TRPC3: variants seen among roughly 807,000 people sequenced by gnomAD.
TRPC3 encodes short transient receptor potential channel 3.
A neutral mutation model predicts 90.9 loss-of-function variants in TRPC3; 54 were observed. That is an observed-to-expected ratio of 0.59 (90% CI 0.48 to 0.75). TRPC3 has a LOEUF of 0.75. TRPC3 is among the 30% of genes least tolerant of loss of function. The pLI is 0.00. For missense variants in TRPC3, 918 were observed against 1,194.5 expected (o/e 0.77, Z 3.41); for synonymous variants, 424 against 450.9 (o/e 0.94, Z 0.75).
Position 121,932,291 on chromosome 4 carries a change from T to C in TRPC3, c.967A>G (p.Asn323Asp). The C allele has an allele frequency of 6.2e-7, 1 of 1,614,032 alleles. No individual in the cohort carries two copies. Among genetic ancestry groups the C allele is most frequent in the Non-Finnish European group, 8.5e-7 (1 of 1,179,970 alleles). Residue 323 changes from asparagine to aspartate, a missense_variant, in exon 2 of 12, where the codon AAC becomes GAC. Physicochemically the swap from Asn to Asp is conservative, Grantham distance 23. Coordinates refer to ENST00000379645, the MANE Select transcript of TRPC3 (RefSeq NM_001130698.2). The surrounding 1 kb of genome is among the most constrained non-coding windows in gnomAD (Gnocchi z 7.7). Reference protein sequence around the residue: ...ELSNELAKLANIEKEFKNDYR... With the variant: ...ELSNELAKLADIEKEFKNDYR... Reference sequence around the variant, plus strand: ...CTTACCTTGAACTCCTTCTCTATGTTGGCCAGCTTGGCCAGCTCGTTGCTG... The same window carrying C: ...CTTACCTTGAACTCCTTCTCTATGTCGGCCAGCTTGGCCAGCTCGTTGCTG...
chr4:121,905,952 C>CA (rs1360790756), intron 7 of TRPC3, among the ~76,000 whole-genome samples: 1 of 152,056 alleles, frequency 6.6e-6, no homozygotes, highest in Non-Finnish European at 1.5e-5. Context: ...AACCGTATCA[C>CA]AAAATTCTCC....
At chr4:121,895,857 C>A (rs1459152672) in intron 10 of TRPC3, among the ~76,000 whole-genome samples, 1 of 151,928 alleles carries the variant, frequency 6.6e-6, no homozygotes, top group East Asian at 1.9e-4. Context: ...ACCAGTATAA[C>A]CCCAATACCA....
At position 121,876,210 on chromosome 4, in the gene TRPC3, GGC is replaced by G. The variant is rs759951581; in HGVS notation, c.*3524_*3525del. 7.2e-5 allele frequency among the ~76,000 whole-genome samples: 11 copies of G among 152,120 alleles called. 1 individual carries two copies. The East Asian group carries it at 1.5e-3, about 21-fold the overall frequency. On this transcript the variant is annotated 3_prime_UTR_variant, in exon 12 of 12. Coordinates refer to ENST00000379645, the MANE Select transcript of TRPC3 (RefSeq NM_001130698.2). Reference sequence around the variant, plus strand: ...CACTGTGCCCAGCCTGATTTTGGGAGGCTGAGGCAGGAGGATCGCTTGAGGCC... The same window carrying G: ...CACTGTGCCCAGCCTGATTTTGGGAGTGAGGCAGGAGGATCGCTTGAGGCC...
At chr4:121,891,420 T>C (rs1466886392) in intron 10 of TRPC3, among the ~76,000 whole-genome samples, 1 of 152,334 alleles carries the variant, frequency 6.6e-6, no homozygotes, top group South Asian at 2.1e-4. Context: ...ATACTGACTA[T>C]GTTTAACTGT....
At chr4:121,920,806 G>A (rs1355992771) in intron 3 of TRPC3, among the ~76,000 whole-genome samples, 1 of 152,168 alleles carries the variant, frequency 6.6e-6, no homozygotes, top group African/African-American at 2.4e-5. Context: ...GGCCCTGGAT[G>A]TTTTCCTTAC....
chr4:121,880,361 A>C (rs1367868634), intron 11 of TRPC3, among the ~76,000 whole-genome samples: 1 of 152,224 alleles, frequency 6.6e-6, no homozygotes, highest in Non-Finnish European at 1.5e-5. Context: ...AAGTAAGGGA[A>C]AGAAAGAAAA....
chr4:121,918,981 G>T (rs1390452310), intron 3 of TRPC3, among the ~76,000 whole-genome samples: 1 of 152,134 alleles, frequency 6.6e-6, no homozygotes, highest in Non-Finnish European at 1.5e-5. Context: ...TGCCCAACTG[G>T]ATAACATTTG....
In TRPC3 at chr4:121,907,302, C is replaced by A. The variant is rs202172262; in HGVS notation, c.2057+1G>T. The A allele has an allele frequency of 6.2e-7, 1 of 1,602,100 alleles. No homozygotes were observed. Among genetic ancestry groups the A allele is most frequent in the Non-Finnish European group, 8.5e-7 (1 of 1,175,862 alleles). On this transcript the variant is annotated splice_donor_variant, in intron 7 of 11. Transcript: ENST00000379645. LOFTEE classifies it high-confidence loss of function. ...CCTGTATAATAAGATATTTTACTTA[C>A]GTGGTAAAAGCAGCATTAACTTTAG...
chr4:121,934,453 C>A lies in TRPC3; in HGVS notation c.216-1411G>T, dbSNP rs190190138. Among the ~76,000 whole-genome samples the A allele has an allele frequency of 1.2e-4, 18 of 152,280 alleles. No homozygotes were observed. The South Asian group carries it at 1.2e-3, about 11-fold the overall frequency. ...TTCAAGATAACTTCCTTTTAAAAATCTGTGATTTTTGGTGGGATGAATTGT... is the reference window on the plus strand; with the variant it reads ...TTCAAGATAACTTCCTTTTAAAAATATGTGATTTTTGGTGGGATGAATTGT... On this transcript the variant is annotated intron_variant, in intron 1 of 11. Coordinates refer to ENST00000379645, the MANE Select transcript of TRPC3 (RefSeq NM_001130698.2).
chr4:121,887,929 G>T lies in TRPC3; in HGVS notation c.2548-5500C>A, dbSNP rs75254901. On this transcript the variant is annotated intron_variant, in intron 10 of 11. Transcript: ENST00000379645. The stretch of plus-strand genomic sequence containing the variant: ...AAAAAAATTCTTTACACACATAAAA[G>T]AATTACTTCAACATGCTATTAATAA... 1.0e-3 allele frequency among the ~76,000 whole-genome samples: 159 copies of T among 151,790 alleles called. 1 individual carries two copies. The highest frequency in any genetic ancestry group is 3.6e-3 in the African/African-American group (151 of 41,436).
rs116075333 is a variant in TRPC3 at position 121,905,448 on chromosome 4, T to C, written c.2058-931A>G. 3.7e-3 allele frequency among the ~76,000 whole-genome samples: 570 copies of C among 152,260 alleles called. 3 individuals carry two copies. The highest frequency in any genetic ancestry group is 6.5e-3 in the Non-Finnish European group (440 of 68,004). On this transcript the variant is annotated intron_variant, in intron 7 of 11. Coordinates refer to ENST00000379645, the MANE Select transcript of TRPC3 (RefSeq NM_001130698.2). ...TAATTTATATAATGTACTTCCCGAT[T>C]CTTCCACCACAACAATTAGCACTTA...
At chr4:121,942,567 T>A (rs1334487078) in intron 1 of TRPC3, among the ~76,000 whole-genome samples, 1 of 152,180 alleles carries the variant, frequency 6.6e-6, no homozygotes, top group Admixed American at 6.5e-5. Flanking sequence ...AGACCCTGTC[T>A]CAAAAAACAA....
rs146202450 is a variant in TRPC3, at chr4:121,900,744, A to G, written c.2464-1049T>C. The stretch of plus-strand genomic sequence containing the variant: ...TATCTATGAATATGAGTAATATTAA[A>G]GAGATGTAAACAGCTATATGCAAAA... On this transcript the variant is annotated intron_variant, in intron 9 of 11. Transcript: ENST00000379645. Among the ~76,000 whole-genome samples the G allele has an allele frequency of 4.2e-3, 633 of 152,368 alleles. 9 individuals carry two copies. Among genetic ancestry groups the G allele is most frequent in the African/African-American group, 0.014 (595 of 41,590 alleles).
intron 1 of TRPC3, among the ~76,000 whole-genome samples, chr4:121,942,046 C>T (rs76294281): frequency 8.1e-4 from 124 of 152,286 alleles, no homozygotes; most frequent in Non-Finnish European, 1.5e-3. Flanking sequence ...AACAACCAAA[C>T]CAGCAAGATA....
chr4:121,903,417 C>T (rs1728769996), intron 8 of TRPC3, among the ~76,000 whole-genome samples: 1 of 152,150 alleles, frequency 6.6e-6, no homozygotes, highest in African/African-American at 2.4e-5. Context: ...ACAATAGTTG[C>T]CTATTTCCCA....
chr4:121,875,779 G>C lies in TRPC3; in HGVS notation c.*3957C>G, dbSNP rs748111220. Among the ~76,000 whole-genome samples the C allele has an allele frequency of 1.3e-5, 2 of 151,856 alleles. No homozygotes were observed. The highest frequency in any genetic ancestry group is 4.2e-4 in the South Asian group (2 of 4,814). On this transcript the variant is annotated 3_prime_UTR_variant, in exon 12 of 12. Transcript: ENST00000379645. The stretch of plus-strand genomic sequence containing the variant: ...ATCAACACGCTAGTGGTGGTCAGCT[G>C]AGTGACTGAGTCATGAGTAAAAACA...
intron 2 of TRPC3, among the ~76,000 whole-genome samples, chr4:121,929,728 G>A (rs75249363): frequency 0.035 from 5,280 of 152,072 alleles, 305 homozygotes; most frequent in African/African-American, 0.12. Flanking sequence ...ACTGCAGAGT[G>A]GCTGAGAATC....
intron 1 of TRPC3, among the ~76,000 whole-genome samples, chr4:121,945,328 A>T (rs771742101): frequency 3.9e-5 from 6 of 152,236 alleles, no homozygotes; most frequent in Non-Finnish European, 8.8e-5. Context: ...GGCCTTTCTC[A>T]TCCCTTCTCC....
intron 10 of TRPC3, among the ~76,000 whole-genome samples, chr4:121,893,507 T>C (rs1026461512): frequency 3.9e-5 from 6 of 152,120 alleles, no homozygotes; most frequent in Non-Finnish European, 8.8e-5. Context: ...ATATTCTATA[T>C]GAATCAAATA....
Sources: allele counts gnomAD v4.1 joint callset (sites outside exome capture counted in the v4.1 genomes callset), GRCh38; gene constraint gnomAD v4.1.1; non-coding constraint Gnocchi (gnomAD v3.1); transcripts MANE v1.5; gene names NCBI Gene and HGNC (gene_info 2026-07-23, HGNC 2026-07-21).